SMAD9: variants seen among roughly 807,000 people sequenced by gnomAD.
SMAD9 encodes the protein MAD homolog 9.
In SMAD9, 36 loss-of-function variants were observed where a neutral mutation model predicts 46.1. That is an observed-to-expected ratio of 0.78 (90% CI 0.60 to 1.03). SMAD9 has a LOEUF of 1.03. SMAD9 is among the 50% of genes least tolerant of loss of function. SMAD9 has a pLI of 0.00. For synonymous variants in SMAD9, 245 were observed against 237.1 expected, an observed-to-expected ratio of 1.03 and a Z score of -0.31; for missense variants, 572 against 599.8, an observed-to-expected ratio of 0.95 and a Z score of 0.48.
At chr13:36,920,038 C>A (rs1389063698) in intron 1 of SMAD9, 78 bp downstream of exon 1, 3 of 151,040 alleles carry the variant, frequency 2.0e-5, no homozygotes, top group Admixed American at 2.0e-4. Context: ...CTCATCCCTC[C>A]CCCACCCAGG....
intron 5 of SMAD9, among the ~76,000 whole-genome samples, chr13:36,856,128 CA>C (rs1214256787): frequency 6.6e-6 from 1 of 152,144 alleles, no homozygotes; most frequent in Non-Finnish European, 1.5e-5. Context: ...CAGGCCAGGG[CA>C]AAATGCAAAC....
intron 1 of SMAD9, among the ~76,000 whole-genome samples, chr13:36,885,031 T>G (rs1355401301): frequency 6.6e-6 from 1 of 152,208 alleles, no homozygotes; most frequent in African/African-American, 2.4e-5. Context: ...TTCAAACTTA[T>G]CAATTTTGAC....
At chr13:36,898,407 AT>A (rs1410722618) in intron 1 of SMAD9, among the ~76,000 whole-genome samples, 2 of 152,132 alleles carry the variant, frequency 1.3e-5, no homozygotes, top group East Asian at 3.9e-4. Flanking sequence ...TTCCCAAATA[AT>A]TTTATGAAGC....
chr13:36,909,153 G>C (rs575362770), intron 1 of SMAD9, among the ~76,000 whole-genome samples: 1 of 152,150 alleles, frequency 6.6e-6, no homozygotes, highest in Non-Finnish European at 1.5e-5. Flanking sequence ...AAAGAAACTA[G>C]ATACAGTTTT....
chr13:36,874,574 G>A (rs760722782), intron 2 of SMAD9, among the ~76,000 whole-genome samples: 8 of 152,096 alleles, frequency 5.3e-5, no homozygotes, highest in Non-Finnish European at 1.0e-4. Flanking sequence ...ATAAGTGAGT[G>A]AGGCTGGGCA....
intron 1 of SMAD9, among the ~76,000 whole-genome samples, chr13:36,887,475 G>A (rs534674814): frequency 6.6e-5 from 10 of 151,402 alleles, no homozygotes; most frequent in South Asian, 2.1e-4. Flanking sequence ...CGCTCGCTTC[G>A]GCCTCCCAAA....
At chr13:36,908,446 A>C (rs1477431692) in intron 1 of SMAD9, among the ~76,000 whole-genome samples, 1 of 152,242 alleles carries the variant, frequency 6.6e-6, no homozygotes, top group African/African-American at 2.4e-5. Flanking sequence ...CAGAGTCTCC[A>C]TGACTTCAAA....
At position 36,895,027 on chromosome 13, in the gene SMAD9, A is replaced by G. The variant is rs2058517177; in HGVS notation, c.-186-15152T>C. On this transcript the variant is annotated intron_variant, in intron 1 of 6. Coordinates refer to ENST00000379826, the MANE Select transcript of SMAD9 (RefSeq NM_001127217.3). ...GGGGCTCCAAACTGCCTATTTACTTAGCACTCACCTCAATCTCCGGCAGTC... is the reference window on the plus strand; with the variant it reads ...GGGGCTCCAAACTGCCTATTTACTTGGCACTCACCTCAATCTCCGGCAGTC... Among the ~76,000 whole-genome samples the G allele has an allele frequency of 2.6e-5, 4 of 152,078 alleles. No homozygotes were observed. The South Asian group carries it at 8.3e-4, about 32-fold the overall frequency.
chr13:36,912,489 A>C (rs2058669348), intron 1 of SMAD9, among the ~76,000 whole-genome samples: 1 of 152,208 alleles, frequency 6.6e-6, no homozygotes, highest in African/African-American at 2.4e-5. Context: ...GCACTATTAC[A>C]ACAGTTACTA....
At chr13:36,852,636 AGTTT>A (rs1157915444) in intron 6 of SMAD9, 17 of 895,964 alleles carry the variant, frequency 1.9e-5, no homozygotes, top group African/African-American at 3.6e-5. Flanking sequence ...AACACTACTT[AGTTT>A]ATTATCTTGT....
At position 36,920,216 on chromosome 13, in the gene SMAD9, C is replaced by A. The variant is rs1009034050; in HGVS notation, c.-287G>T. ...GCGGCGGCGGCGGCGGCGGCGGCGG[C>A]CCCAGCCGGCGTCAGTCAGACTGGA... On this transcript the variant is annotated 5_prime_UTR_variant, in exon 1 of 7. Coordinates refer to ENST00000379826, the MANE Select transcript of SMAD9 (RefSeq NM_001127217.3). 3 of 163,904 alleles carry A rather than the reference C, an allele frequency of 1.8e-5. No homozygotes were observed. Among genetic ancestry groups the A allele is most frequent in the African/African-American group, 4.9e-5 (2 of 41,170 alleles). 10.2% of individuals were successfully genotyped at this position (163,904 alleles called of 1,614,324 possible).
rs530113527 is a variant in SMAD9 at position 36,865,702 on chromosome 13, C to G, written c.838G>C (p.Glu280Gln). 6.2e-7 allele frequency: 1 copy of G among 1,614,140 alleles called. No homozygotes were observed. Among genetic ancestry groups the G allele is most frequent in the East Asian group, 2.2e-5 (1 of 44,886 alleles). The change falls in exon 5 of 7, where the codon GAA becomes CAA. Residue 280 changes from glutamate to glutamine, a missense_variant. Physicochemically the swap from Glu to Gln is conservative, Grantham distance 29. Transcript: ENST00000379826. ...PQHWCSVAYYELNNRVGETFQ... is the reference protein window; with the variant it reads ...PQHWCSVAYYQLNNRVGETFQ... ...GTCTCCCCAACTCGGTTGTTCAGTT[C>G]ATAGTAGGCGACCGAGCACCAGTGC...
intron 1 of SMAD9, among the ~76,000 whole-genome samples, chr13:36,898,575 G>A (rs2058548549): frequency 6.6e-6 from 1 of 152,074 alleles, no homozygotes; most frequent in African/African-American, 2.4e-5. Context: ...ACCAAATGAA[G>A]TTTATCACAG....
chr13:36,914,498 G>A (rs976599505), intron 1 of SMAD9, among the ~76,000 whole-genome samples: 2 of 152,118 alleles, frequency 1.3e-5, no homozygotes, highest in East Asian at 1.9e-4. Context: ...CAGCCTGGGC[G>A]ACAGAGAGAG....
rs1049173360 is a variant in SMAD9, at chr13:36,847,400, T to G, written c.*1276A>C. The stretch of plus-strand genomic sequence containing the variant: ...TATATATATGAAAGTACCTAGAAAT[T>G]TGGGGGATTTTCCTCCCTCATCTAA... On this transcript the variant is annotated 3_prime_UTR_variant, in exon 7 of 7. Coordinates refer to ENST00000379826, the MANE Select transcript of SMAD9 (RefSeq NM_001127217.3). 1 of 152,178 alleles carries G rather than the reference T, an allele frequency of 6.6e-6. No individual in the cohort carries two copies. The highest frequency in any genetic ancestry group is 2.4e-5 in the African/African-American group (1 of 41,446). 9.4% of individuals were successfully genotyped at this position (152,178 alleles called of 1,614,324 possible).
intron 5 of SMAD9, among the ~76,000 whole-genome samples, chr13:36,861,129 C>T (rs568179796): frequency 1.3e-5 from 2 of 152,230 alleles, no homozygotes; most frequent in East Asian, 3.9e-4. Context: ...AATGAGGACC[C>T]ATCATCACCA....
chr13:36,852,295 C>G, intron 6 of SMAD9: 1 of 984,840 alleles, frequency 1.0e-6, no homozygotes, highest in Non-Finnish European at 1.2e-6. Flanking sequence ...CTGGAACAAG[C>G]CATGCTGATT....
intron 1 of SMAD9, among the ~76,000 whole-genome samples, chr13:36,890,106 C>A (rs999944317): frequency 1.3e-5 from 2 of 152,124 alleles, no homozygotes; most frequent in Non-Finnish European, 2.9e-5. Flanking sequence ...TGTGTAACTG[C>A]TAATTTTACT....
Position 36,879,260 on chromosome 13 carries a change from G to T in SMAD9, c.412+18C>A. ...CTTCACTCTGAAAATAAACCTTGAC[G>T]TCGTAAAGACGACCCACCTGGAGTC... is the stretch of plus-strand genomic sequence containing the variant. On this transcript the variant is annotated intron_variant, in intron 2 of 6. Transcript: ENST00000379826. 1 of 1,611,418 alleles carries T rather than the reference G, an allele frequency of 6.2e-7. No homozygotes were observed. The highest frequency in any genetic ancestry group is 8.5e-7 in the Non-Finnish European group (1 of 1,177,912).
Sources: allele counts gnomAD v4.1 joint callset (sites outside exome capture counted in the v4.1 genomes callset), GRCh38; gene constraint gnomAD v4.1.1; transcripts MANE v1.5; gene names NCBI Gene and HGNC (gene_info 2026-07-23, HGNC 2026-07-21).